The following DPYD variants were observed in gnomAD, a reference collection of about 807,000 sequenced individuals.
DPYD encodes the protein dihydropyrimidine dehydrogenase.
DPYD carries 109 observed loss-of-function variants against 116.2 expected under a neutral mutation model. The observed-to-expected ratio is 0.94, with a 90% confidence interval of 0.80 to 1.10. The LOEUF is 1.10. Among genes scored for constraint, DPYD ranks in the 50% least tolerant of loss-of-function variants. The probability of loss-of-function intolerance (pLI) is 0.00; values close to 1 mark genes in which losing one functional copy is unlikely to be tolerated. For missense variants in DPYD, 1,302 were observed against 1,254.5 expected (o/e 1.04, Z -0.57); for synonymous variants, 440 against 432.0 (o/e 1.02, Z -0.23).
intron 2 of DPYD, among the ~76,000 whole-genome samples, chr1:97,874,083 T>C (rs2101622584): frequency 6.6e-6 from 1 of 152,062 alleles, no homozygotes; most frequent in Admixed American, 6.6e-5. Flanking sequence ...AACAGCCTGG[T>C]TCACTATCCA....
chr1:97,227,367 A>AG (rs1034881867), intron 19 of DPYD, among the ~76,000 whole-genome samples: 1 of 12,944 alleles, frequency 7.7e-5, no homozygotes, highest in African/African-American at 3.4e-3. Flanking sequence ...AGAAAGAAAG[A>AG]AAAAAGAAAG....
intron 20 of DPYD, among the ~76,000 whole-genome samples, chr1:97,103,211 A>T (rs997833649): frequency 6.6e-6 from 1 of 152,102 alleles, no homozygotes; most frequent in Non-Finnish European, 1.5e-5. Context: ...TAGTTTCTGA[A>T]TTCAGTTACT....
chr1:97,737,941 A>C (rs2101064339), intron 4 of DPYD, among the ~76,000 whole-genome samples: 1 of 152,288 alleles, frequency 6.6e-6, no homozygotes. Context: ...TACATCGTGT[A>C]ATTTAGTCAG....
intron 16 of DPYD, among the ~76,000 whole-genome samples, chr1:97,348,000 A>T (rs1669944877): frequency 1.3e-5 from 2 of 152,164 alleles, no homozygotes; most frequent in South Asian, 4.1e-4. Context: ...CTACAGTTAA[A>T]ATGGAAATTA....
At chr1:97,252,488 G>A (rs1221717606) in intron 18 of DPYD, among the ~76,000 whole-genome samples, 6 of 151,950 alleles carry the variant, frequency 3.9e-5, no homozygotes, top group Admixed American at 1.3e-4. Context: ...GTGTCTCATC[G>A]TCCAAATGCT....
chr1:97,559,732 T>C (rs1652005357), intron 11 of DPYD, among the ~76,000 whole-genome samples: 1 of 152,126 alleles, frequency 6.6e-6, no homozygotes, highest in Non-Finnish European at 1.5e-5. Context: ...TTTTAGTACA[T>C]AAGTAAATGT....
intron 4 of DPYD, among the ~76,000 whole-genome samples, chr1:97,730,621 T>C (rs572240070): frequency 3.8e-4 from 58 of 152,192 alleles, no homozygotes; most frequent in African/African-American, 1.3e-3. Flanking sequence ...AACATGAATA[T>C]ATATTTTAAA....
At chr1:97,452,453 T>G (rs963698805) in intron 13 of DPYD, among the ~76,000 whole-genome samples, 1 of 152,176 alleles carries the variant, frequency 6.6e-6, no homozygotes, top group Non-Finnish European at 1.5e-5. Context: ...ATAAGTCTTG[T>G]CCTGAGGTAT....
intron 19 of DPYD, among the ~76,000 whole-genome samples, chr1:97,205,327 A>C (rs1570665976): frequency 6.8e-6 from 1 of 146,670 alleles, no homozygotes; most frequent in African/African-American, 2.5e-5. Flanking sequence ...CCTCACCCTC[A>C]CCTCCCCCAT....
chr1:97,610,240 C>A (rs919296851), intron 8 of DPYD, among the ~76,000 whole-genome samples: 1 of 151,864 alleles, frequency 6.6e-6, no homozygotes, highest in African/African-American at 2.4e-5. Context: ...AGTCACACCA[C>A]CCCCCATACC....
chr1:97,618,632 G>T (rs999409542), intron 8 of DPYD, among the ~76,000 whole-genome samples: 1 of 152,124 alleles, frequency 6.6e-6, no homozygotes, highest in African/African-American at 2.4e-5. Flanking sequence ...AACCAGTTCA[G>T]AGTCCGGCGC....
chr1:97,787,878 T>G (rs1022318469), intron 3 of DPYD, among the ~76,000 whole-genome samples: 11 of 152,336 alleles, frequency 7.2e-5, no homozygotes, highest in African/African-American at 2.2e-4. Flanking sequence ...CCTTTATTGG[T>G]CACCTGCTGC....
chr1:97,849,151 T>C (rs1051175036), intron 2 of DPYD, among the ~76,000 whole-genome samples: 19 of 152,166 alleles, frequency 1.2e-4, no homozygotes, highest in African/African-American at 4.3e-4. Flanking sequence ...TGTAGTATAA[T>C]ACAAGATTAT....
intron 14 of DPYD, among the ~76,000 whole-genome samples, chr1:97,436,638 T>C (rs1675488913): frequency 6.6e-6 from 1 of 152,026 alleles, no homozygotes; most frequent in African/African-American, 2.4e-5. Flanking sequence ...AAAGGTTTGA[T>C]GGATTTTCTC....
chr1:97,355,453 T>C (rs1212543404), intron 16 of DPYD, among the ~76,000 whole-genome samples: 2 of 152,144 alleles, frequency 1.3e-5, no homozygotes, highest in Non-Finnish European at 2.9e-5. Flanking sequence ...TAAATGGTTA[T>C]TTACTATATT....
chr1:97,623,136 T>A (rs1284599718), intron 8 of DPYD, among the ~76,000 whole-genome samples: 1 of 152,052 alleles, frequency 6.6e-6, no homozygotes, highest in African/African-American at 2.4e-5. Context: ...ATATTGGCAA[T>A]GACCAGTGAC....
At chr1:97,782,829 T>C (rs980860725) in intron 3 of DPYD, among the ~76,000 whole-genome samples, 14 of 152,336 alleles carry the variant, frequency 9.2e-5, no homozygotes, top group Admixed American at 7.2e-4. Context: ...TTTGTTACTT[T>C]TGTCTGTAGG....
chr1:97,677,601 C>G (rs1165865672), intron 8 of DPYD, among the ~76,000 whole-genome samples: 1 of 152,064 alleles, frequency 6.6e-6, no homozygotes, highest in Non-Finnish European at 1.5e-5. Flanking sequence ...ATCTTGCCTC[C>G]TTCCTACTTT....
intron 2 of DPYD, among the ~76,000 whole-genome samples, chr1:97,842,490 A>G (rs1670083639): frequency 6.6e-6 from 1 of 152,066 alleles, no homozygotes; most frequent in Non-Finnish European, 1.5e-5. Context: ...AGACATTTTA[A>G]TACAATTGAG....
Sources: gnomAD v4.1 joint callset for allele counts (sites outside exome capture counted in the v4.1 genomes callset) on GRCh38, gnomAD v4.1.1 for gene constraint, MANE v1.5 for transcripts, NCBI Gene and HGNC (gene_info 2026-07-23, HGNC 2026-07-21) for gene names.